Variants in CREB3L1 observed in about 807,000 individuals in gnomAD.
CREB3L1 encodes the protein cAMP responsive element binding protein 3 like 1.
Under a neutral mutation model 54.5 loss-of-function variants are expected in CREB3L1, and 33 were observed. The ratio of observed to expected loss-of-function variants is 0.61; its 90% CI spans 0.46 to 0.81. CREB3L1 has a LOEUF of 0.81. CREB3L1 is among the 30% of genes least tolerant of loss of function. The pLI is 0.00. For missense variants in CREB3L1, 656 were observed against 673.3 expected, an observed-to-expected ratio of 0.97 and a Z score of 0.29; for synonymous variants, 284 against 286.4, an observed-to-expected ratio of 0.99 and a Z score of 0.08.
Position 46,317,502 on chromosome 11 carries a change from G to C in CREB3L1, c.1258+15G>C. Reference sequence around the variant, plus strand: ...GGCCAGCCAGAGTGAGTGCCCGCCTGTCATGCCAGCTCCCTGGGCTGAGGC... The same window carrying C: ...GGCCAGCCAGAGTGAGTGCCCGCCTCTCATGCCAGCTCCCTGGGCTGAGGC... On this transcript the variant is annotated intron_variant, in intron 10 of 11. Coordinates refer to ENST00000621158, the MANE Select transcript of CREB3L1 (RefSeq NM_052854.4). 1 of 1,606,142 alleles carries C rather than the reference G, an allele frequency of 6.2e-7. No homozygotes were observed. Among genetic ancestry groups the C allele is most frequent in the Non-Finnish European group, 8.5e-7 (1 of 1,179,792 alleles).
At position 46,295,414 on chromosome 11, in the gene CREB3L1, G is replaced by C. The variant is rs536808091; in HGVS notation, c.103-4521G>C. On this transcript the variant is annotated intron_variant, in intron 1 of 11. Transcript: ENST00000621158. This position sits in a 1 kb window ranked among gnomAD's most constrained non-coding sequence, Gnocchi z 4.6. ...AGTCGGGGTCGTCGGGGAGACCCTCGGTCTCCACTTCTCCCTGCGGGGGTG... is the reference window on the plus strand; with the variant it reads ...AGTCGGGGTCGTCGGGGAGACCCTCCGTCTCCACTTCTCCCTGCGGGGGTG... 6.6e-6 allele frequency: 1 copy of C among 152,226 alleles called. No individual in the cohort carries two copies. Among genetic ancestry groups the C allele is most frequent in the African/African-American group, 2.4e-5 (1 of 41,506 alleles). The allele number at this position is 152,226 out of a possible 1,614,324, so 9.4% of individuals were successfully genotyped here.
rs1289031351 is a variant in CREB3L1 at position 46,278,358 on chromosome 11, T to A, written c.102+145T>A. On this transcript the variant is annotated intron_variant, in intron 1 of 11. Coordinates refer to ENST00000621158, the MANE Select transcript of CREB3L1 (RefSeq NM_052854.4). This position sits in a 1 kb window ranked among gnomAD's most constrained non-coding sequence, Gnocchi z 4.2. ...GCAGGGTCTCCAGGAGCGACATGTG[T>A]TTGGAGCTAAGCGCCCCTCCTGGGG... 8 of 543,180 alleles carry A rather than the reference T, an allele frequency of 1.5e-5. No homozygotes were observed. The highest frequency in any genetic ancestry group is 3.9e-5 in the African/African-American group (2 of 51,194). 33.6% of individuals were successfully genotyped at this position (543,180 alleles called of 1,614,324 possible).
At chr11:46,288,129 C>A (rs1299716362) in intron 1 of CREB3L1, among the ~76,000 whole-genome samples, 1 of 152,016 alleles carries the variant, frequency 6.6e-6, no homozygotes, top group Non-Finnish European at 1.5e-5. Flanking sequence ...GTTGCCCAGG[C>A]TGGAATGCAA....
intron 9 of CREB3L1, 26 bp from the exon 10 acceptor site, chr11:46,317,335 T>C (rs1451708297): frequency 6.2e-7 from 1 of 1,613,826 alleles, no homozygotes; most frequent in Admixed American, 1.7e-5. Flanking sequence ...ACCCCAGATC[T>C]GATGCCACTC....
intron 8 of CREB3L1, among the ~76,000 whole-genome samples, chr11:46,313,414 C>T (rs1248284076): frequency 6.6e-6 from 1 of 152,016 alleles, no homozygotes; most frequent in Non-Finnish European, 1.5e-5. Context: ...AGGCTGGGCA[C>T]GGTGGCTCAC....
chr11:46,307,538 G>A (rs181494485), intron 2 of CREB3L1, among the ~76,000 whole-genome samples: 40 of 152,328 alleles, frequency 2.6e-4, no homozygotes, highest in Admixed American at 1.6e-3. Context: ...CAGGCTCAGA[G>A]AGGTTAAGCA....
chr11:46,297,316 AC>A (rs899260977), intron 1 of CREB3L1, among the ~76,000 whole-genome samples: 2 of 152,196 alleles, frequency 1.3e-5, no homozygotes, highest in African/African-American at 4.8e-5. Flanking sequence ...ACCTCCTGGT[AC>A]TGCCTCACTC....
At position 46,307,828 on chromosome 11, in the gene CREB3L1, G is replaced by A; in HGVS notation, c.344G>A (p.Gly115Glu). ...CCCCTTCCCCTAGATGCAGAGCATG[G>A]AGCATGGGCGCTGGGACACAAACTG... is the stretch of plus-strand genomic sequence containing the variant. ...MEDTTQDAEH[G>E]AWALGHKLCS... The change falls in exon 3 of 12, where the codon GGA becomes GAA. Residue 115 changes from glycine to glutamate, a missense_variant. By Grantham distance (98) the Gly-to-Glu change is moderately conservative. Around this residue, in one of 3 missense-constraint regions of CREB3L1, gnomAD observed 339 missense variants for 331.5 expected, o/e 1.02. Transcript: ENST00000621158. 6.3e-7 allele frequency: 1 copy of A among 1,575,640 alleles called. No individual in the cohort carries two copies. Among genetic ancestry groups the A allele is most frequent in the Non-Finnish European group, 8.6e-7 (1 of 1,160,642 alleles).
intron 4 of CREB3L1, chr11:46,310,791 T>G (rs915221228): frequency 4.3e-6 from 2 of 467,996 alleles, no homozygotes; most frequent in Non-Finnish European, 7.3e-6. Context: ...AGGGCGAGCT[T>G]GTAAAGGAGC....
intron 1 of CREB3L1, among the ~76,000 whole-genome samples, chr11:46,296,617 G>T (rs1304120284): frequency 1.3e-5 from 2 of 152,196 alleles, no homozygotes; most frequent in African/African-American, 2.4e-5. Flanking sequence ...CTCTAGGGGA[G>T]TCCCTGATGG....
rs1174684066 is a variant in CREB3L1, at chr11:46,278,224, G to A, written c.102+11G>A. Reference sequence around the variant, plus strand: ...TTCCTCAACAATGCGGTAAGATGAAGGGTCTCCGTTCCCGTTCCACCCCTC... The same window carrying A: ...TTCCTCAACAATGCGGTAAGATGAAAGGTCTCCGTTCCCGTTCCACCCCTC... On this transcript the variant is annotated intron_variant, in intron 1 of 11. Transcript: ENST00000621158. The surrounding 1 kb of genome is among the most constrained non-coding windows in gnomAD (Gnocchi z 4.2). 2.0e-6 allele frequency: 3 copies of A among 1,530,320 alleles called. No individual in the cohort carries two copies. The highest frequency in any genetic ancestry group is 1.4e-5 in the African/African-American group (1 of 72,284). The allele number at this position is 1,530,320 out of a possible 1,614,324, so 94.8% of individuals were successfully genotyped here.
intron 8 of CREB3L1, among the ~76,000 whole-genome samples, chr11:46,314,890 T>G (rs1187999798): frequency 6.6e-6 from 1 of 151,890 alleles, no homozygotes; most frequent in African/African-American, 2.4e-5. Context: ...GTATTTTTAG[T>G]AGAGACAGGG....
chr11:46,318,212 C>T lies in CREB3L1; in HGVS notation c.1258+725C>T, dbSNP rs540477816. ...CAGCCTGGGTGACAGAGTGAGACTC[C>T]ATCTCAAAAAAAAAAGAAGGATCCT... On this transcript the variant is annotated intron_variant, in intron 10 of 11. Coordinates refer to ENST00000621158, the MANE Select transcript of CREB3L1 (RefSeq NM_052854.4). Among the ~76,000 whole-genome samples the T allele has an allele frequency of 3.9e-3, 465 of 119,010 alleles. 4 individuals carry two copies. The highest frequency in any genetic ancestry group is 0.026 in the African/African-American group (437 of 16,766). The allele number at this position is 119,010 out of a possible 152,430, so 78.1% of individuals were successfully genotyped here. A position where few individuals can be genotyped will look rare whatever the true frequency, so the allele number is the denominator to read the frequency against.
chr11:46,313,674 T>C (rs1028003191), intron 8 of CREB3L1, among the ~76,000 whole-genome samples: 2 of 150,804 alleles, frequency 1.3e-5, no homozygotes, highest in African/African-American at 4.9e-5. Context: ...CCAGACTCTG[T>C]CTCAAAAAAA....
intron 1 of CREB3L1, among the ~76,000 whole-genome samples, chr11:46,296,018 C>T (rs1939205951): frequency 6.6e-6 from 1 of 152,208 alleles, no homozygotes; most frequent in Non-Finnish European, 1.5e-5. Context: ...TCTCCGGCTT[C>T]CCACCCCCGT....
chr11:46,278,065 T>C lies in CREB3L1; in HGVS notation c.-47T>C, dbSNP rs1938903245. ...CTCTGGACTGGGCGCGCCGCCGCCC[T>C]GGAGTGAGGGAAGCCCAGTGGAAGG... On this transcript the variant is annotated 5_prime_UTR_variant, in exon 1 of 12. Transcript: ENST00000621158. This position sits in a 1 kb window ranked among gnomAD's most constrained non-coding sequence, Gnocchi z 4.2. The C allele has an allele frequency of 2.6e-6, 3 of 1,164,394 alleles. No individual in the cohort carries two copies. The South Asian group carries it at 4.0e-5, about 16-fold the overall frequency. 72.1% of individuals were successfully genotyped at this position (1,164,394 alleles called of 1,614,324 possible).
At chr11:46,305,684 G>GTA (rs1229135560) in intron 2 of CREB3L1, among the ~76,000 whole-genome samples, 5 of 109,350 alleles carry the variant, frequency 4.6e-5, no homozygotes, top group Non-Finnish European at 8.9e-5. Context: ...GTGTGTGTGT[G>GTA]TATATATGTG....
intron 1 of CREB3L1, among the ~76,000 whole-genome samples, chr11:46,298,193 G>T (rs1939241162): frequency 6.6e-6 from 1 of 152,132 alleles, no homozygotes; most frequent in African/African-American, 2.4e-5. Flanking sequence ...CATACAGAAG[G>T]CTTCTCTGCT....
chr11:46,284,130 C>T (rs746541157), intron 1 of CREB3L1, among the ~76,000 whole-genome samples: 1 of 152,180 alleles, frequency 6.6e-6, no homozygotes, highest in Non-Finnish European at 1.5e-5. Context: ...ATGCTGGTGC[C>T]AGGGTAACCC....
Sources: allele counts gnomAD v4.1 joint callset (sites outside exome capture counted in the v4.1 genomes callset), GRCh38; gene constraint gnomAD v4.1.1; regional missense constraint gnomAD v4.1.1; non-coding constraint Gnocchi (gnomAD v3.1); transcripts MANE v1.5; gene names NCBI Gene and HGNC (gene_info 2026-07-23, HGNC 2026-07-21).